EPHB2: variants seen among roughly 807,000 people sequenced by gnomAD.
The protein encoded by EPHB2 is EPH receptor B2.
In EPHB2, 18 loss-of-function variants were observed where a neutral mutation model predicts 96.4. The ratio of observed to expected loss-of-function variants is 0.19; its 90% CI spans 0.13 to 0.28. EPHB2 has a LOEUF of 0.28. EPHB2 is among the 10% of genes least tolerant of loss of function. The pLI is 1.00. For missense variants in EPHB2, 989 were observed against 1,355.4 expected (o/e 0.73, Z 4.25); for synonymous variants, 506 against 534.1 (o/e 0.95, Z 0.72).
chr1:22,894,282 G>A (rs1403310730), intron 7 of EPHB2, among the ~76,000 whole-genome samples: 2 of 152,194 alleles, frequency 1.3e-5, no homozygotes, highest in African/African-American at 2.4e-5. Flanking sequence ...GCAAGTTCCT[G>A]TTCTGGTCAG....
chr1:22,830,239 A>T (rs1421267050), intron 3 of EPHB2, among the ~76,000 whole-genome samples: 2 of 152,166 alleles, frequency 1.3e-5, no homozygotes, highest in Non-Finnish European at 2.9e-5. Context: ...TTGTCCCCAG[A>T]GGCTGGCATC....
At chr1:22,737,339 A>C (rs149974614) in intron 1 of EPHB2, among the ~76,000 whole-genome samples, 42 of 152,276 alleles carry the variant, frequency 2.8e-4, no homozygotes, top group African/African-American at 9.1e-4. Context: ...TATCTAAAAA[A>C]ATCAAGGTCA....
chr1:22,918,526 A>G lies in EPHB2; in HGVS notation c.*4956A>G, dbSNP rs1640323704. 6.6e-6 allele frequency: 1 copy of G among 152,284 alleles called. No homozygotes were observed. The allele number at this position is 152,284 out of a possible 1,614,324, so 9.4% of individuals were successfully genotyped here. On this transcript the variant is annotated 3_prime_UTR_variant, in exon 16 of 16. Transcript: ENST00000374630. This position sits in a 1 kb window ranked among gnomAD's most constrained non-coding sequence, Gnocchi z 4.2. The stretch of plus-strand genomic sequence containing the variant: ...ATGAGTCTGGGGTCCTGTCTTTTCC[A>G]ATAATGTGTTATCCTGGGGAAACCC...
At chr1:22,824,777 C>T (rs1645200379) in intron 3 of EPHB2, among the ~76,000 whole-genome samples, 1 of 152,184 alleles carries the variant, frequency 6.6e-6, no homozygotes, top group South Asian at 2.1e-4. Flanking sequence ...ATTAACTGTC[C>T]CTGTCGTGGT....
intron 3 of EPHB2, among the ~76,000 whole-genome samples, chr1:22,862,019 G>C (rs1012382529): frequency 2.0e-5 from 3 of 152,222 alleles, no homozygotes; most frequent in Non-Finnish European, 4.4e-5. Flanking sequence ...ATCTCTTCCA[G>C]GTATCATAGC....
intron 1 of EPHB2, among the ~76,000 whole-genome samples, chr1:22,714,528 G>A (rs1030788450): frequency 6.6e-6 from 1 of 152,150 alleles, no homozygotes; most frequent in Non-Finnish European, 1.5e-5. Context: ...GGGCAGCAGT[G>A]GGGGTTGAGA....
intron 3 of EPHB2, among the ~76,000 whole-genome samples, chr1:22,795,350 C>T (rs1449363434): frequency 6.6e-6 from 1 of 152,188 alleles, no homozygotes; most frequent in African/African-American, 2.4e-5. Flanking sequence ...GGCAGGGAGT[C>T]GGAGGTGGCT....
At chr1:22,811,661 G>C (rs1645003556) in intron 3 of EPHB2, among the ~76,000 whole-genome samples, 1 of 152,192 alleles carries the variant, frequency 6.6e-6, no homozygotes, top group Non-Finnish European at 1.5e-5. Flanking sequence ...CCCACCCCAA[G>C]ACCGGGAAAG....
At chr1:22,745,589 A>C (rs1331148054) in intron 1 of EPHB2, among the ~76,000 whole-genome samples, 1 of 152,176 alleles carries the variant, frequency 6.6e-6, no homozygotes, top group Non-Finnish European at 1.5e-5. Flanking sequence ...AAAAAGCTTC[A>C]AACATCCCTC....
chr1:22,756,949 A>G (rs1453071748), intron 1 of EPHB2, among the ~76,000 whole-genome samples: 1 of 152,224 alleles, frequency 6.6e-6, no homozygotes. Flanking sequence ...CTGTGCCTCT[A>G]TAAATACATT....
At chr1:22,717,879 C>T (rs1643333853) in intron 1 of EPHB2, among the ~76,000 whole-genome samples, 1 of 152,100 alleles carries the variant, frequency 6.6e-6, no homozygotes, top group South Asian at 2.1e-4. Flanking sequence ...TGTCCTCTGG[C>T]TTGTGTTTTC....
At chr1:22,827,755 A>G (rs1570349194) in intron 3 of EPHB2, among the ~76,000 whole-genome samples, 1 of 152,300 alleles carries the variant, frequency 6.6e-6, no homozygotes, top group Non-Finnish European at 1.5e-5. Flanking sequence ...AAAGAAGCCT[A>G]ATTCTGAGTG....
intron 1 of EPHB2, among the ~76,000 whole-genome samples, chr1:22,721,755 A>G (rs1001815194): frequency 1.3e-5 from 2 of 151,158 alleles, no homozygotes; most frequent in Admixed American, 6.6e-5. Context: ...AGCTGGATCC[A>G]TAGGCACCTG....
At chr1:22,872,993 A>G (rs2148538042) in intron 5 of EPHB2, among the ~76,000 whole-genome samples, 1 of 152,328 alleles carries the variant, frequency 6.6e-6, no homozygotes, top group East Asian at 1.9e-4. Flanking sequence ...TGATCCTCCC[A>G]AGCATTCTGC....
intron 2 of EPHB2, among the ~76,000 whole-genome samples, chr1:22,783,236 G>T (rs1473025774): frequency 6.6e-6 from 1 of 152,208 alleles, no homozygotes; most frequent in Non-Finnish European, 1.5e-5. Flanking sequence ...TGTAAAAGGG[G>T]TCTAACCATA....
chr1:22,787,058 C>A (rs1644622168), intron 3 of EPHB2, among the ~76,000 whole-genome samples: 1 of 152,182 alleles, frequency 6.6e-6, no homozygotes, highest in Non-Finnish European at 1.5e-5. Context: ...CTGTGTTAGA[C>A]CTTATGTTGA....
intron 9 of EPHB2, among the ~76,000 whole-genome samples, chr1:22,905,727 T>C (rs1418036131): frequency 1.3e-5 from 2 of 152,184 alleles, no homozygotes; most frequent in Non-Finnish European, 2.9e-5. Flanking sequence ...AGAAAACCAC[T>C]GTTGATCAGT....
At chr1:22,736,764 T>C (rs1019220899) in intron 1 of EPHB2, among the ~76,000 whole-genome samples, 4 of 152,144 alleles carry the variant, frequency 2.6e-5, no homozygotes, top group Non-Finnish European at 4.4e-5. Context: ...AGAGGAGCCT[T>C]TTTTTCCCAG....
chr1:22,825,971 T>A (rs1050843599), intron 3 of EPHB2, among the ~76,000 whole-genome samples: 2 of 151,722 alleles, frequency 1.3e-5, no homozygotes, highest in African/African-American at 4.8e-5. Flanking sequence ...GAGCTAAGAG[T>A]GCAGGGTGGG....
Sources: allele counts gnomAD v4.1 joint callset (sites outside exome capture counted in the v4.1 genomes callset), GRCh38; gene constraint gnomAD v4.1.1; non-coding constraint Gnocchi (gnomAD v3.1); transcripts MANE v1.5; gene names NCBI Gene and HGNC (gene_info 2026-07-23, HGNC 2026-07-21).